The following C3orf20 variants were observed in gnomAD, a reference collection of about 807,000 sequenced individuals.
C3orf20 encodes the protein uncharacterized protein C3orf20.
A neutral mutation model predicts 88.3 loss-of-function variants in C3orf20; 76 were observed. That is an observed-to-expected ratio of 0.86 (90% confidence interval 0.72 to 1.04). C3orf20 has a LOEUF of 1.04. Among genes scored for constraint, C3orf20 ranks in the 50% least tolerant of loss-of-function variants. The probability of loss-of-function intolerance (pLI) is 0.00; values close to 1 mark genes in which losing one functional copy is unlikely to be tolerated. For missense variants in C3orf20, 1,056 were observed against 1,123.3 expected (o/e 0.94, Z 0.86); for synonymous variants, 436 against 437.4 (o/e 1.00, Z 0.04).
chr3:14,759,813 G>A (rs774675246), intron 13 of C3orf20, 78 bp from the exon 14 acceptor site: 22 of 1,234,776 alleles, frequency 1.8e-5, no homozygotes, highest in Non-Finnish European at 2.6e-5. Flanking sequence ...GGGGAACCAG[G>A]CCTAGCCGAG....
chr3:14,698,910 C>G (rs1221188029), intron 5 of C3orf20, among the ~76,000 whole-genome samples: 4 of 152,146 alleles, frequency 2.6e-5, no homozygotes, highest in Non-Finnish European at 5.9e-5. Context: ...GTCTGGGAGC[C>G]AGGACTAGAG....
intron 5 of C3orf20, among the ~76,000 whole-genome samples, chr3:14,698,885 A>G (rs972447564): frequency 4.0e-4 from 61 of 152,288 alleles, no homozygotes; most frequent in African/African-American, 1.4e-3. Flanking sequence ...GGCCCCAGGC[A>G]GGTCCGGAAA....
At chr3:14,724,099 G>A (rs1278505194) in intron 10 of C3orf20, among the ~76,000 whole-genome samples, 4 of 152,098 alleles carry the variant, frequency 2.6e-5, no homozygotes, top group East Asian at 3.9e-4. Context: ...GATTACAGGC[G>A]TGAGCCACCG....
chr3:14,765,003 T>C (rs1189221945), intron 15 of C3orf20: 1 of 152,186 alleles, frequency 6.6e-6, no homozygotes, highest in Non-Finnish European at 1.5e-5. Flanking sequence ...GGTGACTGGT[T>C]AGTAGTACAA....
chr3:14,740,026 T>C (rs1302842411), intron 12 of C3orf20, among the ~76,000 whole-genome samples: 1 of 152,256 alleles, frequency 6.6e-6, no homozygotes, highest in Non-Finnish European at 1.5e-5. Flanking sequence ...TTTTGCTGTC[T>C]TATTTGTGCA....
At chr3:14,721,828 T>C in intron 10 of C3orf20, 44 bp downstream of exon 10, 1 of 1,608,440 alleles carries the variant, frequency 6.2e-7, no homozygotes, top group Non-Finnish European at 8.5e-7. Context: ...CCCCTGGGCA[T>C]CTCAACGTGG....
At chr3:14,727,833 C>T (rs6770883) in intron 11 of C3orf20, among the ~76,000 whole-genome samples, 31,725 of 152,100 alleles carry the variant, frequency 0.21, 3,820 homozygotes, top group South Asian at 0.36. Context: ...ATACATCTTA[C>T]TACTTAGCAT....
rs368490037 is a variant in C3orf20 at position 14,747,400 on chromosome 3, C to A, written c.1941-9971C>A. ...CTCCCTGTGTGGCCCACCCATTAAG[C>A]GTAAACCTTGTCTTTTGAAATTTAC... On this transcript the variant is annotated intron_variant, in intron 12 of 16. Transcript: ENST00000253697. Among the ~76,000 whole-genome samples the A allele has an allele frequency of 2.4e-4, 37 of 152,204 alleles. No individual in the cohort carries two copies. The South Asian group carries it at 2.5e-3, about 10-fold the overall frequency.
At chr3:14,704,748 G>C in intron 7 of C3orf20, 130 bp downstream of exon 7, 1 of 1,110,840 alleles carries the variant, frequency 9.0e-7, no homozygotes, top group Non-Finnish European at 1.3e-6. Context: ...GGTCTCCTGG[G>C]TATTAAGAGC....
At chr3:14,732,675 A>G (rs953634230) in intron 12 of C3orf20, among the ~76,000 whole-genome samples, 2 of 152,212 alleles carry the variant, frequency 1.3e-5, no homozygotes, top group African/African-American at 4.8e-5. Flanking sequence ...GAGGACAGAG[A>G]TGCTGCTAAA....
chr3:14,726,789 G>A, intron 10 of C3orf20, 112 bp from the exon 11 acceptor site: 1 of 1,450,312 alleles, frequency 6.9e-7, no homozygotes, highest in Non-Finnish European at 9.5e-7. Flanking sequence ...AGGGGTAGGG[G>A]GGCAGGCAAT....
At chr3:14,762,229 C>T (rs1428042134) in intron 15 of C3orf20, among the ~76,000 whole-genome samples, 3 of 152,220 alleles carry the variant, frequency 2.0e-5, no homozygotes, top group Non-Finnish European at 4.4e-5. Flanking sequence ...GAAGTGATCC[C>T]AGGCCCCTGT....
chr3:14,686,975 A>G (rs2032462875), intron 4 of C3orf20, among the ~76,000 whole-genome samples: 1 of 152,228 alleles, frequency 6.6e-6, no homozygotes. Context: ...AAAATGTAAG[A>G]TTTCATGAAG....
intron 12 of C3orf20, among the ~76,000 whole-genome samples, chr3:14,730,483 C>T (rs1345217769): frequency 1.3e-5 from 2 of 151,986 alleles, no homozygotes; most frequent in African/African-American, 4.8e-5. Context: ...GGAGGCGGAG[C>T]TTGCAGTGAG....
chr3:14,693,127 C>G (rs1318133962), intron 5 of C3orf20, among the ~76,000 whole-genome samples: 1 of 152,058 alleles, frequency 6.6e-6, no homozygotes, highest in Non-Finnish European at 1.5e-5. Context: ...TACTATAGCT[C>G]TGTTGTATAA....
At chr3:14,692,324 CTG>C (rs1249295066) in intron 5 of C3orf20, among the ~76,000 whole-genome samples, 1 of 152,208 alleles carries the variant, frequency 6.6e-6, no homozygotes, top group Admixed American at 6.5e-5. Context: ...AACCCCCAAA[CTG>C]TTCTCCATAG....
chr3:14,742,524 A>G (rs1159035625), intron 12 of C3orf20, among the ~76,000 whole-genome samples: 1 of 152,182 alleles, frequency 6.6e-6, no homozygotes, highest in East Asian at 1.9e-4. Context: ...TCTTAGAGCA[A>G]TGTCTCCTCA....
In C3orf20 at chr3:14,761,475, G is replaced by A. The variant is rs2035560197; in HGVS notation, c.2355G>A (p.Met785Ile). 1 of 1,614,082 alleles carries A rather than the reference G, an allele frequency of 6.2e-7. No homozygotes were observed. The highest frequency in any genetic ancestry group is 8.5e-7 in the Non-Finnish European group (1 of 1,180,024). The change falls in exon 15 of 17, where the codon ATG (methionine) becomes ATA (isoleucine). Residue 785 changes from methionine (M) to isoleucine (I), a missense_variant and splice_region_variant. Met to Ile is a conservative substitution (Grantham distance 10). Coordinates refer to ENST00000253697, the MANE Select transcript of C3orf20 (RefSeq NM_032137.5). ...KNSVVQGMILMFAGGKLIFGG... is the reference protein window; with the variant it reads ...KNSVVQGMILIFAGGKLIFGG... ...CCTCATTTCCTTCCTGTCAACAGATGTTTGCCGGGGGGAAGCTCATTTTTG... is the reference window on the plus strand; with the variant it reads ...CCTCATTTCCTTCCTGTCAACAGATATTTGCCGGGGGGAAGCTCATTTTTG...
In C3orf20 at chr3:14,703,318, C is replaced by G. The variant is rs1439258647; in HGVS notation, c.878+56C>G. On this transcript the variant is annotated intron_variant, in intron 6 of 16. Transcript: ENST00000253697. ...TCAAGGGTTCTCAGAAAGCCTGGCC[C>G]CCAGCTGGGAGTCCCTGTGTATATG... is the stretch of plus-strand genomic sequence containing the variant. The G allele has an allele frequency of 4.4e-5, 70 of 1,608,732 alleles. 2 individuals are homozygous for G. In the South Asian group the frequency reaches 7.7e-4, roughly 18 times the overall value.
Sources: gnomAD v4.1 joint callset for allele counts (sites outside exome capture counted in the v4.1 genomes callset) on GRCh38, gnomAD v4.1.1 for gene constraint, MANE v1.5 for transcripts, NCBI Gene and HGNC (gene_info 2026-07-23, HGNC 2026-07-21) for gene names.